The following MTHFD1L variants were observed in gnomAD, a reference collection of about 807,000 sequenced individuals.
The protein encoded by MTHFD1L is monofunctional C1-tetrahydrofolate synthase, mitochondrial.
MTHFD1L carries 81 observed loss-of-function variants against 119.5 expected under a neutral mutation model. The observed-to-expected ratio is 0.68, with a 90% CI of 0.57 to 0.82. The LOEUF (loss-of-function observed/expected upper bound fraction) is 0.82. MTHFD1L is among the 40% of genes least tolerant of loss of function. MTHFD1L has a pLI of 0.00. For missense variants in MTHFD1L, 1,125 were observed against 1,253.4 expected (o/e 0.90, Z 1.55); for synonymous variants, 430 against 475.2 (o/e 0.90, Z 1.24).
intron 27 of MTHFD1L, among the ~76,000 whole-genome samples, chr6:151,094,563 C>T (rs548822537): frequency 1.8e-4 from 28 of 151,720 alleles, no homozygotes; most frequent in African/African-American, 6.3e-4. Context: ...TATTTATTTG[C>T]GACAGAGTCT....
intron 26 of MTHFD1L, among the ~76,000 whole-genome samples, chr6:151,083,943 G>A (rs1793476483): frequency 6.6e-6 from 1 of 152,158 alleles, no homozygotes; most frequent in African/African-American, 2.4e-5. Context: ...ACCTCACAGG[G>A]TTCTTGGGAT....
intron 27 of MTHFD1L, among the ~76,000 whole-genome samples, chr6:151,095,735 C>T (rs1329473678): frequency 2.0e-5 from 3 of 152,224 alleles, no homozygotes; most frequent in Admixed American, 6.5e-5. Flanking sequence ...AAGTGTTGTC[C>T]CATAAGGGCC....
chr6:150,880,171 C>G (rs1295140023), intron 4 of MTHFD1L, among the ~76,000 whole-genome samples: 3 of 152,150 alleles, frequency 2.0e-5, no homozygotes, highest in East Asian at 1.9e-4. Flanking sequence ...TTTAGTCACT[C>G]TACTATGTAA....
intron 8 of MTHFD1L, among the ~76,000 whole-genome samples, chr6:150,913,413 A>C (rs1228753955): frequency 1.3e-5 from 2 of 151,440 alleles, no homozygotes; most frequent in Non-Finnish European, 2.9e-5. Flanking sequence ...CATCCGCCCG[A>C]CTCGGCCTCC....
chr6:151,027,159 C>CT (rs1171235253), intron 24 of MTHFD1L, among the ~76,000 whole-genome samples: 4 of 151,270 alleles, frequency 2.6e-5, no homozygotes, highest in Middle Eastern at 3.4e-3. Flanking sequence ...ACTATTCCAG[C>CT]TTTTTTTTTA....
At chr6:150,932,161 CAAAAAAAAAAA>C (rs5880902) in intron 11 of MTHFD1L, among the ~76,000 whole-genome samples, 175 of 39,480 alleles carry the variant, frequency 4.4e-3, no homozygotes, top group Non-Finnish European at 6.3e-3. Context: ...GACTCCATCT[CAAAAAAAAAAA>C]AAAAAAAAAA....
At chr6:150,890,299 G>T (rs548449230) in intron 7 of MTHFD1L, among the ~76,000 whole-genome samples, 4 of 152,138 alleles carry the variant, frequency 2.6e-5, no homozygotes, top group Non-Finnish European at 5.9e-5. Flanking sequence ...TTGTTTGTTT[G>T]TTTAAGACAG....
chr6:151,071,466 A>G (rs1362293092), intron 26 of MTHFD1L, among the ~76,000 whole-genome samples: 2 of 152,176 alleles, frequency 1.3e-5, no homozygotes, highest in Non-Finnish European at 2.9e-5. Context: ...GACGCTTGTC[A>G]GATGCCTGAA....
At chr6:151,087,180 C>T (rs900659486) in intron 26 of MTHFD1L, among the ~76,000 whole-genome samples, 8 of 151,990 alleles carry the variant, frequency 5.3e-5, no homozygotes, top group Non-Finnish European at 8.8e-5. Flanking sequence ...ACCCACGAGG[C>T]GGAGGCTGCA....
At position 151,009,608 on chromosome 6, in the gene MTHFD1L, A is replaced by G. The variant is rs553041201; in HGVS notation, c.2126-211A>G. The stretch of plus-strand genomic sequence containing the variant: ...GCCTGGCCACCACAAGGAATCCCTC[A>G]GGCCTGGCGGTGGGAAGCAGAGGAG... On this transcript the variant is annotated intron_variant, in intron 20 of 27. Coordinates refer to ENST00000367321, the MANE Select transcript of MTHFD1L (RefSeq NM_015440.5). Among the ~76,000 whole-genome samples the G allele has an allele frequency of 4.6e-5, 7 of 152,262 alleles. No homozygotes were observed. In the South Asian group the frequency reaches 1.5e-3, roughly 32 times the overall value.
At chr6:150,954,426 G>A (rs765851172) in intron 16 of MTHFD1L, among the ~76,000 whole-genome samples, 19 of 152,094 alleles carry the variant, frequency 1.2e-4, no homozygotes, top group Non-Finnish European at 2.2e-4. Flanking sequence ...AGTGGCTCAC[G>A]CCAGTTATCC....
chr6:151,060,470 T>C (rs1336361561), intron 26 of MTHFD1L, among the ~76,000 whole-genome samples: 4 of 152,144 alleles, frequency 2.6e-5, no homozygotes, highest in Non-Finnish European at 4.4e-5. Flanking sequence ...AAGTTAAATA[T>C]AGAGACAGCT....
intron 26 of MTHFD1L, among the ~76,000 whole-genome samples, chr6:151,056,709 A>G (rs536146242): frequency 4.6e-5 from 7 of 151,418 alleles, no homozygotes; most frequent in African/African-American, 1.5e-4. Context: ...CCCCTCTGGA[A>G]AGCTCACAGA....
At chr6:151,070,129 G>A (rs1463598241) in intron 26 of MTHFD1L, among the ~76,000 whole-genome samples, 3 of 152,144 alleles carry the variant, frequency 2.0e-5, no homozygotes, top group African/African-American at 7.2e-5. Flanking sequence ...TGGAGAATTA[G>A]ATTCCACATA....
intron 4 of MTHFD1L, among the ~76,000 whole-genome samples, chr6:150,879,639 T>TC (rs1781063297): frequency 1.4e-5 from 2 of 148,142 alleles, no homozygotes; most frequent in Admixed American, 1.3e-4. Context: ...TTTTTTTTTT[T>TC]TTTTTTCTGA....
intron 7 of MTHFD1L, among the ~76,000 whole-genome samples, chr6:150,896,385 G>T (rs1784215754): frequency 6.6e-6 from 1 of 152,160 alleles, no homozygotes; most frequent in African/African-American, 2.4e-5. Context: ...CAGAGGGGAT[G>T]GTGAGCACCT....
chr6:150,981,025 C>T (rs1289587442), intron 20 of MTHFD1L, among the ~76,000 whole-genome samples: 2 of 152,062 alleles, frequency 1.3e-5, no homozygotes, highest in Admixed American at 1.3e-4. Flanking sequence ...GTCCAAACAA[C>T]TTAATGAGTA....
At chr6:150,942,119 C>T (rs529017762) in intron 13 of MTHFD1L, among the ~76,000 whole-genome samples, 11 of 152,134 alleles carry the variant, frequency 7.2e-5, no homozygotes, top group South Asian at 4.1e-4. Flanking sequence ...AGTAGCTGGG[C>T]GTGGTGGCAG....
At chr6:150,893,133 C>T (rs1212159126) in intron 7 of MTHFD1L, among the ~76,000 whole-genome samples, 3 of 152,136 alleles carry the variant, frequency 2.0e-5, no homozygotes, top group Admixed American at 2.0e-4. Flanking sequence ...GGCGCGATCT[C>T]GGCTCACTAA....
Sources: allele counts gnomAD v4.1 joint callset (sites outside exome capture counted in the v4.1 genomes callset), GRCh38; gene constraint gnomAD v4.1.1; transcripts MANE v1.5; gene names NCBI Gene and HGNC (gene_info 2026-07-23, HGNC 2026-07-21).